ADGRB3: variants seen among roughly 807,000 people sequenced by gnomAD.
ADGRB3 encodes adhesion G protein-coupled receptor B3, also known as brain-specific angiogenesis inhibitor 3.
ADGRB3 carries 37 observed loss-of-function variants against 193.4 expected under a neutral mutation model. The ratio of observed to expected loss-of-function variants is 0.19; its 90% confidence interval spans 0.15 to 0.25. ADGRB3 has a LOEUF of 0.25. Among genes scored for constraint, ADGRB3 ranks in the 10% least tolerant of loss-of-function variants. The pLI is 1.00. For missense variants in ADGRB3, 1,637 were observed against 1,852.9 expected, an observed-to-expected ratio of 0.88 and a Z score of 2.14; for synonymous variants, 690 against 644.2, an observed-to-expected ratio of 1.07 and a Z score of -1.08.
At chr6:68,882,859 C>G (rs1405440854) in intron 3 of ADGRB3, among the ~76,000 whole-genome samples, 11 of 151,956 alleles carry the variant, frequency 7.2e-5, no homozygotes, top group Admixed American at 7.2e-4. Context: ...GCACATAGTC[C>G]CATTTACTAC....
At chr6:69,141,962 C>T (rs916372957) in intron 17 of ADGRB3, among the ~76,000 whole-genome samples, 4 of 152,096 alleles carry the variant, frequency 2.6e-5, no homozygotes, top group African/African-American at 9.7e-5. Context: ...GGGTCACAGA[C>T]ATGGCTCAGG....
At chr6:69,084,187 G>T (rs11964764) in intron 17 of ADGRB3, among the ~76,000 whole-genome samples, 20,582 of 151,968 alleles carry the variant, frequency 0.14, 1,577 homozygotes, top group Middle Eastern at 0.3. Flanking sequence ...CTGGCCCCAC[G>T]GTGATTGTTA....
At chr6:68,883,762 C>T (rs1239847172) in intron 3 of ADGRB3, among the ~76,000 whole-genome samples, 1 of 152,184 alleles carries the variant, frequency 6.6e-6, no homozygotes, top group Non-Finnish European at 1.5e-5. Context: ...GACACGTCAC[C>T]TTTATAGAAC....
intron 20 of ADGRB3, among the ~76,000 whole-genome samples, chr6:69,254,978 A>G (rs1766724298): frequency 6.6e-6 from 1 of 150,488 alleles, no homozygotes; most frequent in East Asian, 2.0e-4. Context: ...TGTTCTTGCG[A>G]TAGTTTACTG....
At chr6:68,896,779 GA>G (rs1483855999) in intron 3 of ADGRB3, among the ~76,000 whole-genome samples, 1 of 152,090 alleles carries the variant, frequency 6.6e-6, no homozygotes, top group African/African-American at 2.4e-5. Context: ...GATCATCAAA[GA>G]TAAAAATACC....
chr6:69,346,249 C>T (rs1294729807), intron 26 of ADGRB3, among the ~76,000 whole-genome samples: 9 of 152,106 alleles, frequency 5.9e-5, no homozygotes, highest in Admixed American at 2.0e-4. Context: ...TTAAATTTCA[C>T]ATGGAACCAA....
intron 3 of ADGRB3, among the ~76,000 whole-genome samples, chr6:68,863,504 A>T (rs1284977594): frequency 6.6e-6 from 1 of 152,082 alleles, no homozygotes; most frequent in Admixed American, 6.6e-5. Flanking sequence ...AATATCATTT[A>T]TTATGAATCA....
intron 20 of ADGRB3, among the ~76,000 whole-genome samples, chr6:69,244,487 T>G (rs1445982011): frequency 6.6e-6 from 1 of 152,098 alleles, no homozygotes; most frequent in Non-Finnish European, 1.5e-5. Context: ...CTGCACACAT[T>G]TATGTACATG....
intron 3 of ADGRB3, among the ~76,000 whole-genome samples, chr6:68,753,664 G>A (rs1766244855): frequency 6.6e-6 from 1 of 152,156 alleles, no homozygotes; most frequent in African/African-American, 2.4e-5. Flanking sequence ...ACTGAAAGGT[G>A]TCAGAAAAAT....
chr6:68,974,873 G>A lies in ADGRB3; in HGVS notation c.1627+9G>A. The A allele has an allele frequency of 6.2e-7, 1 of 1,608,616 alleles. No homozygotes were observed. The highest frequency in any genetic ancestry group is 8.5e-7 in the Non-Finnish European group (1 of 1,175,264). On this transcript the variant is annotated intron_variant, in intron 9 of 31. Coordinates refer to ENST00000370598, the MANE Select transcript of ADGRB3 (RefSeq NM_001704.3). ...TCCCCTGAATGCCACAGGTACAGTA[G>A]GATGACCCACCCAAACCCTAGTGAT...
intron 3 of ADGRB3, among the ~76,000 whole-genome samples, chr6:68,764,830 G>A (rs897905160): frequency 2.0e-5 from 3 of 152,018 alleles, no homozygotes; most frequent in African/African-American, 4.8e-5. Context: ...GCGTGGCCTC[G>A]TTTATTTATG....
intron 14 of ADGRB3, 64 bp downstream of exon 14, chr6:69,048,398 T>G: frequency 6.7e-7 from 1 of 1,491,412 alleles, no homozygotes; most frequent in Admixed American, 1.9e-5. Context: ...TAATTAGAAA[T>G]TAGGTATAAA....
intron 20 of ADGRB3, among the ~76,000 whole-genome samples, chr6:69,312,715 A>G (rs548012927): frequency 2.1e-4 from 32 of 151,832 alleles, no homozygotes; most frequent in African/African-American, 7.2e-4. Flanking sequence ...TTATTGTTCA[A>G]AAGTTCATCC....
chr6:69,256,085 A>T (rs1450017066), intron 20 of ADGRB3, among the ~76,000 whole-genome samples: 1 of 151,552 alleles, frequency 6.6e-6, no homozygotes, highest in African/African-American at 2.4e-5. Flanking sequence ...TACCAGTACC[A>T]TGCTGTTTTG....
chr6:69,181,555 AG>A (rs1775584772), intron 17 of ADGRB3, among the ~76,000 whole-genome samples: 1 of 152,122 alleles, frequency 6.6e-6, no homozygotes. Flanking sequence ...AATTTTTTGG[AG>A]GCTTTTATAC....
intron 3 of ADGRB3, among the ~76,000 whole-genome samples, chr6:68,910,947 T>C (rs972458096): frequency 2.6e-5 from 4 of 152,264 alleles, no homozygotes; most frequent in African/African-American, 7.2e-5. Flanking sequence ...GTTAAGAAAG[T>C]CATTCATAGC....
chr6:69,168,005 GT>G (rs1298835791), intron 17 of ADGRB3, among the ~76,000 whole-genome samples: 23 of 152,250 alleles, frequency 1.5e-4, no homozygotes, highest in African/African-American at 5.3e-4. Context: ...GAGAAACGAT[GT>G]ATGATCTCCT....
intron 20 of ADGRB3, among the ~76,000 whole-genome samples, chr6:69,288,290 A>C (rs955723621): frequency 5.9e-5 from 9 of 152,190 alleles, no homozygotes; most frequent in South Asian, 2.1e-4. Context: ...GAGTGAGAAC[A>C]TGCGGTGTTT....
At chr6:68,881,116 T>C (rs1162667615) in intron 3 of ADGRB3, among the ~76,000 whole-genome samples, 12 of 152,058 alleles carry the variant, frequency 7.9e-5, no homozygotes, top group Non-Finnish European at 1.0e-4. Context: ...AGTGAAGAGA[T>C]CTGGGGCAAG....
Sources: allele counts gnomAD v4.1 joint callset (sites outside exome capture counted in the v4.1 genomes callset), GRCh38; gene constraint gnomAD v4.1.1; transcripts MANE v1.5; gene names NCBI Gene and HGNC (gene_info 2026-07-23, HGNC 2026-07-21).